PCDH15: variants seen among roughly 807,000 people sequenced by gnomAD.
PCDH15 encodes protocadherin-15.
A neutral mutation model predicts 178.5 loss-of-function variants in PCDH15; 129 were observed. The ratio of observed to expected loss-of-function variants is 0.72; its 90% CI spans 0.63 to 0.84. The LOEUF (loss-of-function observed/expected upper bound fraction) is 0.84. Among genes scored for constraint, PCDH15 ranks in the 40% least tolerant of loss-of-function variants. The pLI is 0.00. For missense variants in PCDH15, 2,230 were observed against 2,099.9 expected (o/e 1.06, Z -1.21); for synonymous variants, 800 against 732.0 (o/e 1.09, Z -1.50).
chr10:55,500,102 A>G (rs1262114773), intron 2 of PCDH15, among the ~76,000 whole-genome samples: 1 of 151,744 alleles, frequency 6.6e-6, no homozygotes, highest in Non-Finnish European at 1.5e-5. Context: ...GTTAATGGTG[A>G]TTATGGGAAC....
Position 54,381,914 on chromosome 10 carries a change from G to A in PCDH15, c.158-2972C>T, listed in dbSNP as rs1202335070. Among the ~76,000 whole-genome samples the A allele has an allele frequency of 2.6e-5, 4 of 152,232 alleles. No individual in the cohort carries two copies. In the East Asian group the frequency reaches 7.7e-4, roughly 29 times the overall value. On this transcript the variant is annotated intron_variant, in intron 3 of 37. Transcript: ENST00000644397. ...TCCACCACTTACCAACTATGTGAAAGTGGATAACCGCATTTACCCTCGATT... is the reference window on the plus strand; with the variant it reads ...TCCACCACTTACCAACTATGTGAAAATGGATAACCGCATTTACCCTCGATT...
At chr10:54,258,057 A>G (rs991621105) in intron 8 of PCDH15, among the ~76,000 whole-genome samples, 29 of 152,130 alleles carry the variant, frequency 1.9e-4, no homozygotes, top group Non-Finnish European at 2.9e-5. Context: ...ATTAATTGGT[A>G]CATTCAAAGT....
In PCDH15 at chr10:55,582,596, GTATATA is replaced by G. The variant is rs56817323; in HGVS notation, c.-156+45023_-156+45028del. On this transcript the variant is annotated intron_variant, in intron 2 of 5. Transcript: ENST00000613346. Reference sequence around the variant, plus strand: ...AACTGGCTATTCTGTATGTGTATGTGTATATATATATATATATATATATATATATAT... The same window carrying G: ...AACTGGCTATTCTGTATGTGTATGTGTATATATATATATATATATATATAT... 1.2e-3 allele frequency among the ~76,000 whole-genome samples: 107 copies of G among 90,260 alleles called. 1 individual carries two copies. Among genetic ancestry groups the G allele is most frequent in the South Asian group, 2.5e-3 (6 of 2,428 alleles). 59.2% of individuals were successfully genotyped at this position (90,260 alleles called of 152,430 possible). A position where few individuals can be genotyped will look rare whatever the true frequency, so the allele number is the denominator to read the frequency against.
chr10:53,942,266 CTTACTTAT>C (rs932045266), intron 23 of PCDH15, among the ~76,000 whole-genome samples: 2 of 76,450 alleles, frequency 2.6e-5, no homozygotes, highest in Non-Finnish European at 8.3e-5. Flanking sequence ...AGTTTATTTA[CTTACTTAT>C]TTTACTGTCC....
chr10:54,894,112 T>C (rs1954509867), intron 3 of PCDH15, among the ~76,000 whole-genome samples: 3 of 152,144 alleles, frequency 2.0e-5, no homozygotes, highest in Non-Finnish European at 4.4e-5. Flanking sequence ...GAAGTGTTTT[T>C]GTTTTGTGTC....
chr10:54,453,770 C>G (rs952722193), intron 3 of PCDH15, among the ~76,000 whole-genome samples: 1 of 151,770 alleles, frequency 6.6e-6, no homozygotes, highest in African/African-American at 2.4e-5. Context: ...AGCTACAAAC[C>G]AACCAGAACC....
chr10:54,553,636 C>T (rs1407398468), intron 2 of PCDH15, among the ~76,000 whole-genome samples: 1 of 152,084 alleles, frequency 6.6e-6, no homozygotes, highest in African/African-American at 2.4e-5. Flanking sequence ...TCAGAAGGTT[C>T]CTCCTCGGAC....
chr10:54,589,929 T>C (rs1267558081), intron 2 of PCDH15, among the ~76,000 whole-genome samples: 1 of 152,104 alleles, frequency 6.6e-6, no homozygotes, highest in South Asian at 2.1e-4. Flanking sequence ...AATATCCCCT[T>C]GACATGAAAT....
intron 2 of PCDH15, among the ~76,000 whole-genome samples, chr10:54,971,151 A>G (rs1838920535): frequency 1.3e-5 from 2 of 152,202 alleles, no homozygotes; most frequent in Admixed American, 6.5e-5. Context: ...GGGGGTCAAG[A>G]GGTGGAATGT....
chr10:54,475,687 T>C (rs1157416465), intron 3 of PCDH15, among the ~76,000 whole-genome samples: 1 of 151,916 alleles, frequency 6.6e-6, no homozygotes, highest in African/African-American at 2.4e-5. Context: ...TTATCATTTT[T>C]GCATTGCCTC....
rs928916527 is a variant in PCDH15, at chr10:53,827,240, A to C, written c.4367+153T>G. ...ATTATTTTTCAACTTAACCTTTCTT[A>C]GATTTTCGTCTTAACAAATTTTCTC... On this transcript the variant is annotated intron_variant, in intron 32 of 37. Coordinates refer to ENST00000644397, the MANE Select transcript of PCDH15 (RefSeq NM_001384140.1). 6.9e-6 allele frequency: 8 copies of C among 1,156,900 alleles called. No individual in the cohort carries two copies. The African/African-American group carries it at 1.1e-4, about 16-fold the overall frequency. 71.7% of individuals were successfully genotyped at this position (1,156,900 alleles called of 1,614,324 possible).
intron 28 of PCDH15, among the ~76,000 whole-genome samples, chr10:53,852,944 G>A (rs2078482582): frequency 6.6e-6 from 1 of 151,970 alleles, no homozygotes; most frequent in Admixed American, 6.6e-5. Flanking sequence ...TTGGCACCCC[G>A]ATGGCTACCT....
chr10:54,131,651 T>C (rs780624059), intron 15 of PCDH15, among the ~76,000 whole-genome samples: 1 of 152,132 alleles, frequency 6.6e-6, no homozygotes, highest in Non-Finnish European at 1.5e-5. Context: ...AGCAACAGAA[T>C]AAATATTAGA....
At chr10:54,803,435 C>A (rs1952724376), upstream of PCDH15, among the ~76,000 whole-genome samples, 1 of 152,092 alleles carries the variant, frequency 6.6e-6, no homozygotes, top group African/African-American at 2.4e-5. Context: ...GTTAAGGTGG[C>A]TGGGGAGGAG....
chr10:54,644,330 A>G (rs898250771), intron 2 of PCDH15, among the ~76,000 whole-genome samples: 34 of 149,658 alleles, frequency 2.3e-4, no homozygotes, highest in African/African-American at 8.3e-4. Context: ...ACAATCATAG[A>G]CTGGGTTCCA....
At chr10:55,478,008 G>C (rs1840097413) in intron 2 of PCDH15, among the ~76,000 whole-genome samples, 1 of 151,554 alleles carries the variant, frequency 6.6e-6, no homozygotes, top group South Asian at 2.1e-4. Context: ...CATACAAATG[G>C]AAACCAAAAA....
intron 23 of PCDH15, among the ~76,000 whole-genome samples, chr10:53,959,199 T>C (rs1564861172): frequency 6.7e-6 from 1 of 148,706 alleles, no homozygotes; most frequent in Non-Finnish European, 1.5e-5. Flanking sequence ...ATACACACAG[T>C]ATATATATAA....
chr10:55,138,258 G>A (rs1329789309), intron 2 of PCDH15, among the ~76,000 whole-genome samples: 2 of 151,988 alleles, frequency 1.3e-5, no homozygotes, highest in Non-Finnish European at 2.9e-5. Flanking sequence ...AAATGTATTC[G>A]TTTATGTCAC....
At chr10:54,770,816 T>C (rs555056977) in intron 1 of PCDH15, among the ~76,000 whole-genome samples, 1 of 152,156 alleles carries the variant, frequency 6.6e-6, no homozygotes, top group African/African-American at 2.4e-5. Flanking sequence ...TGAGTTCCCC[T>C]TCACTAGACC....
Sources: allele counts gnomAD v4.1 joint callset (sites outside exome capture counted in the v4.1 genomes callset), GRCh38; gene constraint gnomAD v4.1.1; transcripts MANE v1.5; gene names NCBI Gene and HGNC (gene_info 2026-07-23, HGNC 2026-07-21).